Variants in MECOM observed in about 807,000 individuals in gnomAD.
MECOM encodes the protein histone-lysine N-methyltransferase MECOM.
Under a neutral mutation model 116.3 loss-of-function variants are expected in MECOM, and 13 were observed. The ratio of observed to expected loss-of-function variants is 0.11; its 90% confidence interval spans 0.07 to 0.18. The LOEUF (loss-of-function observed/expected upper bound fraction) is 0.18, where lower values mean the gene tolerates loss of function less well. MECOM is among the 10% of genes least tolerant of loss of function. MECOM has a pLI of 1.00. For synonymous variants in MECOM, 528 were observed against 535.2 expected (o/e 0.99, Z 0.19); for missense variants, 1,299 against 1,509.0 (o/e 0.86, Z 2.31).
intron 1 of MECOM, chr3:169,470,013 AC>A (rs1261629019): frequency 6.6e-6 from 1 of 152,180 alleles, no homozygotes; most frequent in African/African-American, 2.4e-5. Flanking sequence ...AGAGGAGTCA[AC>A]TCTTAAATAA....
At chr3:169,210,777 C>T (rs1039052483) in intron 2 of MECOM, among the ~76,000 whole-genome samples, 1 of 152,124 alleles carries the variant, frequency 6.6e-6, no homozygotes, top group Non-Finnish European at 1.5e-5. Flanking sequence ...TCCCCTTTTC[C>T]ACCCAACCCT....
At chr3:169,507,836 A>C (rs185990863) in intron 1 of MECOM, among the ~76,000 whole-genome samples, 2 of 148,290 alleles carry the variant, frequency 1.3e-5, no homozygotes, top group African/African-American at 2.5e-5. Flanking sequence ...AATTTTTTGT[A>C]TTTTTGATAG....
intron 2 of MECOM, among the ~76,000 whole-genome samples, chr3:169,153,105 A>G (rs1409735443): frequency 6.6e-6 from 1 of 152,228 alleles, no homozygotes; most frequent in Non-Finnish European, 1.5e-5. Flanking sequence ...GTTAATGCAC[A>G]GCAACAAATT....
intron 2 of MECOM, among the ~76,000 whole-genome samples, chr3:169,170,552 G>A (rs1744266467): frequency 1.3e-5 from 2 of 152,072 alleles, no homozygotes; most frequent in Admixed American, 1.3e-4. Context: ...CGTGGATGCT[G>A]AATATGTGTA....
chr3:169,552,223 T>G (rs1236153914), intron 1 of MECOM, among the ~76,000 whole-genome samples: 1 of 127,886 alleles, frequency 7.8e-6, no homozygotes, highest in Non-Finnish European at 1.7e-5. Flanking sequence ...GAGAAACCTC[T>G]TGGTGAAGAA....
At chr3:169,268,403 G>C (rs1758559698) in intron 2 of MECOM, among the ~76,000 whole-genome samples, 1 of 152,022 alleles carries the variant, frequency 6.6e-6, no homozygotes, top group African/African-American at 2.4e-5. Context: ...TTCTCAAGTG[G>C]GTATGCAAAC....
chr3:169,650,917 T>C (rs1403905611), intron 1 of MECOM, among the ~76,000 whole-genome samples: 3 of 152,124 alleles, frequency 2.0e-5, no homozygotes, highest in Non-Finnish European at 4.4e-5. Context: ...ATCTTCTGCC[T>C]TTAAAAAGAA....
chr3:169,156,543 T>C (rs2149337799), intron 2 of MECOM, among the ~76,000 whole-genome samples: 1 of 152,308 alleles, frequency 6.6e-6, no homozygotes, highest in East Asian at 1.9e-4. Flanking sequence ...TTGGAAAGTC[T>C]ATAAAGATCA....
chr3:169,646,586 T>C (rs1029241371), intron 1 of MECOM, among the ~76,000 whole-genome samples: 1 of 152,044 alleles, frequency 6.6e-6, no homozygotes, highest in Non-Finnish European at 1.5e-5. Context: ...CAGGCCCAAG[T>C]CATTTGGATA....
chr3:169,645,486 T>G (rs568219131), intron 1 of MECOM, among the ~76,000 whole-genome samples: 18 of 152,318 alleles, frequency 1.2e-4, no homozygotes, highest in African/African-American at 3.6e-4. Context: ...TTGTTTACCT[T>G]GTTGTTTAAT....
chr3:169,440,185 A>G (rs572351809), intron 1 of MECOM, among the ~76,000 whole-genome samples: 2 of 141,016 alleles, frequency 1.4e-5, no homozygotes, highest in South Asian at 2.2e-4. Context: ...TTACTTCTAC[A>G]TATATCATAT....
intron 1 of MECOM, among the ~76,000 whole-genome samples, chr3:169,607,234 G>C (rs780187286): frequency 6.6e-6 from 1 of 152,170 alleles, no homozygotes; most frequent in Non-Finnish European, 1.5e-5. Flanking sequence ...TTTTTGTCTC[G>C]ATATCCATCT....
chr3:169,131,323 G>T, intron 4 of MECOM, 106 bp downstream of exon 4: 1 of 996,372 alleles, frequency 1.0e-6, no homozygotes, highest in Non-Finnish European at 1.6e-6. Context: ...AACTGACATT[G>T]AAAAGCCAGG....
chr3:169,420,998 C>G (rs765051212), intron 1 of MECOM, among the ~76,000 whole-genome samples: 1 of 152,060 alleles, frequency 6.6e-6, no homozygotes, highest in Non-Finnish European at 1.5e-5. Context: ...ATAGTAGGCA[C>G]ATTTGGCAAT....
intron 2 of MECOM, among the ~76,000 whole-genome samples, chr3:169,230,087 T>G (rs1325418528): frequency 6.6e-6 from 1 of 152,288 alleles, no homozygotes; most frequent in Non-Finnish European, 1.5e-5. Context: ...TTGGATTTAC[T>G]TCTATGTTTA....
At chr3:169,130,114 G>A (rs1734172207) in intron 4 of MECOM, among the ~76,000 whole-genome samples, 1 of 152,158 alleles carries the variant, frequency 6.6e-6, no homozygotes, top group Admixed American at 6.5e-5. Flanking sequence ...GGGTTCAAGA[G>A]TGTTGTAAAG....
chr3:169,511,609 C>T (rs982647222), intron 1 of MECOM, among the ~76,000 whole-genome samples: 7 of 151,918 alleles, frequency 4.6e-5, no homozygotes, highest in Non-Finnish European at 1.0e-4. Flanking sequence ...TTTAAAAATA[C>T]GAAAATTAGC....
At chr3:169,219,922 A>AAT (rs1171309208) in intron 2 of MECOM, among the ~76,000 whole-genome samples, 2 of 148,890 alleles carry the variant, frequency 1.3e-5, no homozygotes, top group Non-Finnish European at 3.0e-5. Context: ...TAAAGGATCT[A>AAT]ATATATATAT....
At chr3:169,423,933 G>T (rs996224960) in intron 1 of MECOM, among the ~76,000 whole-genome samples, 3 of 152,098 alleles carry the variant, frequency 2.0e-5, no homozygotes, top group Non-Finnish European at 4.4e-5. Context: ...ACCAAGCTGG[G>T]ATATAAGTAG....
Sources: allele counts gnomAD v4.1 joint callset (sites outside exome capture counted in the v4.1 genomes callset), GRCh38; gene constraint gnomAD v4.1.1; transcripts MANE v1.5; gene names NCBI Gene and HGNC (gene_info 2026-07-23, HGNC 2026-07-21).